The following LRRIQ3 variants were observed in gnomAD, a reference collection of about 807,000 sequenced individuals.
LRRIQ3 encodes the protein leucine rich repeats and IQ motif containing 3.
In LRRIQ3, 75 loss-of-function variants were observed where a neutral mutation model predicts 59.3. The ratio of observed to expected loss-of-function variants is 1.26; its 90% CI spans 1.05 to 1.53. The LOEUF is 1.53. Ranked by LOEUF, LRRIQ3 falls within the 40% of genes most tolerant of loss-of-function variation. The probability of loss-of-function intolerance (pLI) is 0.00; values close to 1 mark genes in which losing one functional copy is unlikely to be tolerated. For missense variants in LRRIQ3, 831 were observed against 710.0 expected (o/e 1.17, Z -1.94); for synonymous variants, 250 against 231.3 (o/e 1.08, Z -0.73).
intron 5 of LRRIQ3, chr1:74,095,226 T>TG (rs1258711891): frequency 1.3e-5 from 2 of 152,212 alleles, no homozygotes; most frequent in Non-Finnish European, 2.9e-5. Flanking sequence ...AGCAACAGGA[T>TG]GGAAGGAGTG....
intron 4 of LRRIQ3, among the ~76,000 whole-genome samples, chr1:74,122,905 G>T (rs578135295): frequency 6.6e-6 from 1 of 152,088 alleles, no homozygotes; most frequent in East Asian, 1.9e-4. Context: ...CTACAGAATG[G>T]GAGAAAAATT....
intron 6 of LRRIQ3, among the ~76,000 whole-genome samples, chr1:74,044,730 T>C (rs1042510639): frequency 6.6e-6 from 1 of 151,264 alleles, no homozygotes; most frequent in Non-Finnish European, 1.5e-5. Flanking sequence ...CTAATAAGAA[T>C]AAAAGAGAGG....
intron 6 of LRRIQ3, among the ~76,000 whole-genome samples, chr1:74,046,852 C>A (rs1429518010): frequency 6.6e-6 from 1 of 152,152 alleles, no homozygotes. Flanking sequence ...TGAGAAAAAG[C>A]TCATCATCTT....
intron 6 of LRRIQ3, among the ~76,000 whole-genome samples, chr1:74,060,441 T>C (rs1360435695): frequency 6.6e-6 from 1 of 151,884 alleles, no homozygotes; most frequent in Non-Finnish European, 1.5e-5. Context: ...TTAGGTTATA[T>C]ATTTGAAGTA....
chr1:74,116,539 T>G (rs1646778632), intron 4 of LRRIQ3, among the ~76,000 whole-genome samples: 1 of 152,102 alleles, frequency 6.6e-6, no homozygotes, highest in Non-Finnish European at 1.5e-5. Flanking sequence ...GATTAATTAT[T>G]ATTTTACAAT....
intron 7 of LRRIQ3, 72 bp downstream of exon 7, chr1:74,041,141 T>A (rs1173828615): frequency 1.1e-5 from 13 of 1,205,184 alleles, no homozygotes; most frequent in South Asian, 1.6e-5. Flanking sequence ...AATTATTAGG[T>A]CTTAAAATTT....
intron 6 of LRRIQ3, among the ~76,000 whole-genome samples, chr1:74,054,228 AC>A (rs78493121): frequency 0.019 from 2,959 of 151,908 alleles, 39 homozygotes; most frequent in Non-Finnish European, 0.026. Context: ...ATAAAAAAAA[AC>A]CACGAAAAAT....
chr1:74,098,819 A>G (rs1226943817), intron 5 of LRRIQ3, among the ~76,000 whole-genome samples: 4 of 152,218 alleles, frequency 2.6e-5, no homozygotes, highest in Admixed American at 6.5e-5. Context: ...GTACATAACG[A>G]AATGAAGGCA....
At chr1:74,122,494 G>T (rs1012410411) in intron 4 of LRRIQ3, among the ~76,000 whole-genome samples, 1 of 151,908 alleles carries the variant, frequency 6.6e-6, no homozygotes, top group African/African-American at 2.4e-5. Flanking sequence ...TAGACCAATG[G>T]AACAGAACAG....
chr1:74,026,966 A>C lies in LRRIQ3; in HGVS notation c.1722T>G (p.Ser574=), dbSNP rs951229853. The C allele has an allele frequency of 1.3e-6, 2 of 1,526,498 alleles. No homozygotes were observed. Among genetic ancestry groups the C allele is most frequent in the African/African-American group, 2.8e-5 (2 of 71,820 alleles). 94.6% of individuals were successfully genotyped at this position (1,526,498 alleles called of 1,614,324 possible). A position where few individuals can be genotyped will look rare whatever the true frequency, so the allele number is the denominator to read the frequency against. The part of the protein sequence containing the change: ...NLLKEMKKVR[S]QEIYKRHCEE... ...CACAATGTCTTTTATATATTTCTTGAGATCTAAGAGGAGAAAGAAAGGTAA... is the reference window on the plus strand; with the variant it reads ...CACAATGTCTTTTATATATTTCTTGCGATCTAAGAGGAGAAAGAAAGGTAA... The change falls in exon 8 of 8, where the codon TCT becomes TCG. Residue 574 remains serine, a synonymous_variant. Coordinates refer to ENST00000354431, the MANE Select transcript of LRRIQ3 (RefSeq NM_001105659.2).
Position 74,069,136 on chromosome 1 carries a change from C to T in LRRIQ3, c.997+5525G>A, listed in dbSNP as rs116602931. ...CTGAATAGGAAGTAGCAGTTTTGTT[C>T]TCAGAAATATCTTTTATGTAACAGC... On this transcript the variant is annotated intron_variant, in intron 6 of 7. Transcript: ENST00000354431. Among the ~76,000 whole-genome samples, 1,084 of 152,134 alleles carry T rather than the reference C, an allele frequency of 7.1e-3. 13 individuals are homozygous for T. The highest frequency in any genetic ancestry group is 0.025 in the African/African-American group (1,033 of 41,554).
At chr1:74,105,577 C>T (rs1014213535) in intron 5 of LRRIQ3, among the ~76,000 whole-genome samples, 1 of 151,726 alleles carries the variant, frequency 6.6e-6, no homozygotes, top group Non-Finnish European at 1.5e-5. Flanking sequence ...AAAAAGTTAT[C>T]TTGTTGCTAT....
intron 4 of LRRIQ3, among the ~76,000 whole-genome samples, chr1:74,114,688 C>A (rs914833656): frequency 8.7e-5 from 13 of 149,952 alleles, no homozygotes; most frequent in Non-Finnish European, 1.8e-4. Flanking sequence ...TGAGCAGAGA[C>A]GGAGCCACTG....
chr1:74,190,830 A>G (rs891784126), intron 1 of LRRIQ3, among the ~76,000 whole-genome samples: 1 of 152,174 alleles, frequency 6.6e-6, no homozygotes, highest in Non-Finnish European at 1.5e-5. Context: ...CATTTGATTT[A>G]TCAGAAACCA....
At chr1:74,056,563 T>C (rs1349336216) in intron 6 of LRRIQ3, among the ~76,000 whole-genome samples, 4 of 152,174 alleles carry the variant, frequency 2.6e-5, no homozygotes, top group Admixed American at 6.6e-5. Context: ...AGTGTTTTAA[T>C]ACACCAATAG....
At chr1:74,162,483 A>G (rs1213364245) in intron 3 of LRRIQ3, among the ~76,000 whole-genome samples, 1 of 151,806 alleles carries the variant, frequency 6.6e-6, no homozygotes, top group African/African-American at 2.4e-5. Flanking sequence ...ACGGGCTATT[A>G]CTAATCCTGG....
intron 5 of LRRIQ3, among the ~76,000 whole-genome samples, chr1:74,101,726 G>A (rs1285385199): frequency 3.9e-5 from 6 of 152,100 alleles, no homozygotes. Flanking sequence ...ATACTATGCA[G>A]CCATAAAAAA....
rs138193433 is a variant in LRRIQ3, at chr1:74,162,496, C to T, written c.574-6630G>A. Among the ~76,000 whole-genome samples the T allele has an allele frequency of 9.9e-5, 15 of 151,634 alleles. No homozygotes were observed. In the East Asian group the frequency reaches 1.4e-3, roughly 14 times the overall value. On this transcript the variant is annotated intron_variant, in intron 3 of 7. Transcript: ENST00000354431. ...AAACGGGCTATTACTAATCCTGGAA[C>T]GAAATAGAGTGAGACATGCAAAAGA... is the stretch of plus-strand genomic sequence containing the variant.
rs143587975 is a variant in LRRIQ3 at position 74,151,365 on chromosome 1, C to A, written c.707+4368G>T. ...CATAGTTTTCTAATTTCTCCAGATT[C>A]CTTCATAGAAACAAACATAACAACT... On this transcript the variant is annotated intron_variant, in intron 4 of 7. Coordinates refer to ENST00000354431, the MANE Select transcript of LRRIQ3 (RefSeq NM_001105659.2). 4.0e-3 allele frequency among the ~76,000 whole-genome samples: 602 copies of A among 152,100 alleles called. 9 individuals are homozygous for A. Among genetic ancestry groups the A allele is most frequent in the African/African-American group, 0.013 (551 of 41,494 alleles).
Sources: allele counts gnomAD v4.1 joint callset (sites outside exome capture counted in the v4.1 genomes callset), GRCh38; gene constraint gnomAD v4.1.1; transcripts MANE v1.5; gene names NCBI Gene and HGNC (gene_info 2026-07-23, HGNC 2026-07-21).